CSMD1: variants seen among roughly 807,000 people sequenced by gnomAD.
The protein encoded by CSMD1 is CUB and Sushi multiple domains 1.
Under a neutral mutation model 417.5 loss-of-function variants are expected in CSMD1, and 213 were observed. The observed-to-expected ratio is 0.51, with a 90% confidence interval of 0.46 to 0.57. The LOEUF (loss-of-function observed/expected upper bound fraction) is 0.57. CSMD1 is among the 20% of genes least tolerant of loss of function. CSMD1 has a pLI of 0.00. For synonymous variants in CSMD1, 2,862 were observed against 1,736.8 expected (o/e 1.65, Z -16.11); for missense variants, 6,923 against 4,529.7 (o/e 1.53, Z -15.17).
At chr8:3,704,893 G>C (rs1289014718) in intron 7 of CSMD1, 4 of 152,236 alleles carry the variant, frequency 2.6e-5, no homozygotes, top group Non-Finnish European at 1.5e-5. Context: ...ATAATGAACA[G>C]GACTTTGGGT....
At chr8:4,582,010 T>C (rs370449223) in intron 2 of CSMD1, among the ~76,000 whole-genome samples, 1 of 151,898 alleles carries the variant, frequency 6.6e-6, no homozygotes, top group African/African-American at 2.4e-5. Flanking sequence ...TAGCCTACGA[T>C]GATGAAATGA....
chr8:3,682,280 G>C (rs182224293), intron 7 of CSMD1, among the ~76,000 whole-genome samples: 18 of 152,178 alleles, frequency 1.2e-4, no homozygotes, highest in African/African-American at 4.3e-4. Flanking sequence ...TAAAATTTTT[G>C]CAATCTACTC....
chr8:3,322,174 AATATATTCAATACATTTC>A (rs1806194662), intron 23 of CSMD1, among the ~76,000 whole-genome samples: 1 of 152,240 alleles, frequency 6.6e-6, no homozygotes, highest in African/African-American at 2.4e-5. Context: ...TGAACTGACA[AATATATTCAATACATTTC>A]ATGGCCAGGA....
intron 5 of CSMD1, among the ~76,000 whole-genome samples, chr8:3,994,389 C>A (rs1815037171): frequency 7.1e-6 from 1 of 140,400 alleles, no homozygotes. Flanking sequence ...AATCAATTTT[C>A]TTTCTTCTTG....
intron 3 of CSMD1, among the ~76,000 whole-genome samples, chr8:4,260,762 G>C (rs1399917560): frequency 6.6e-6 from 1 of 152,094 alleles, no homozygotes; most frequent in Admixed American, 6.5e-5. Flanking sequence ...TTTAGGCTAA[G>C]TTATATAGGA....
intron 3 of CSMD1, among the ~76,000 whole-genome samples, chr8:4,391,790 GGCT>G (rs1374945969): frequency 6.6e-6 from 1 of 152,040 alleles, no homozygotes. Flanking sequence ...GAGTTTGAGC[GGCT>G]GCTAAGCTCA....
chr8:4,877,984 C>A lies in CSMD1; in HGVS notation c.85+116348G>T, dbSNP rs186320397. Among the ~76,000 whole-genome samples, 70 of 152,052 alleles carry A rather than the reference C, an allele frequency of 4.6e-4. 2 individuals carry two copies. The highest frequency in any genetic ancestry group is 8.8e-5 in the Non-Finnish European group (6 of 68,026). On this transcript the variant is annotated intron_variant, in intron 1 of 69. Transcript: ENST00000635120. ...ATCCAAACACATATGTATGTGCACA[C>A]CCATGACCCTGTTCAGAAATAGGAC...
intron 40 of CSMD1, among the ~76,000 whole-genome samples, chr8:3,144,615 G>A (rs931952902): frequency 2.6e-4 from 39 of 152,078 alleles, no homozygotes; most frequent in East Asian, 7.7e-4. Context: ...ATATAATCAA[G>A]GTGGAGCAAC....
chr8:3,310,232 C>A (rs1805218473), intron 23 of CSMD1, among the ~76,000 whole-genome samples: 1 of 151,994 alleles, frequency 6.6e-6, no homozygotes, highest in Non-Finnish European at 1.5e-5. Context: ...CATTCAATAT[C>A]ATGTATGACA....
rs201051140 is a variant in CSMD1 at position 3,464,552 on chromosome 8, TTCTA to T, written c.1561+4156_1561+4159del. Among the ~76,000 whole-genome samples the T allele has an allele frequency of 9.1e-3, 1,367 of 150,626 alleles. 24 individuals carry two copies. Among genetic ancestry groups the T allele is most frequent in the African/African-American group, 0.031 (1,295 of 41,262 alleles). On this transcript the variant is annotated intron_variant, in intron 12 of 69. Transcript: ENST00000635120. ...TTCTGAGATTTACTATTTATATGGA[TTCTA>T]TCTATTATAAATATGATTTATAAAT...
intron 2 of CSMD1, among the ~76,000 whole-genome samples, chr8:4,480,061 G>C (rs767112849): frequency 2.6e-5 from 4 of 151,902 alleles, no homozygotes; most frequent in Non-Finnish European, 4.4e-5. Flanking sequence ...GTGGTCGTGA[G>C]TTCTGTTAGA....
intron 1 of CSMD1, among the ~76,000 whole-genome samples, chr8:4,731,205 G>A (rs1054796481): frequency 6.6e-6 from 1 of 152,152 alleles, no homozygotes; most frequent in African/African-American, 2.4e-5. Context: ...CTGTTTGGAA[G>A]CGAGAATCAG....
At chr8:4,254,981 C>T (rs1018938287) in intron 3 of CSMD1, among the ~76,000 whole-genome samples, 3 of 152,190 alleles carry the variant, frequency 2.0e-5, no homozygotes, top group Non-Finnish European at 4.4e-5. Flanking sequence ...TTTAACAGAG[C>T]ACTAAATCCA....
intron 3 of CSMD1, among the ~76,000 whole-genome samples, chr8:4,374,260 A>AT (rs906475114): frequency 1.3e-4 from 19 of 151,956 alleles, no homozygotes; most frequent in East Asian, 3.9e-4. Flanking sequence ...GTGTGAGTTA[A>AT]TTTTTTTTAA....
intron 3 of CSMD1, among the ~76,000 whole-genome samples, chr8:4,259,373 G>T (rs1263112299): frequency 6.6e-6 from 1 of 152,118 alleles, no homozygotes; most frequent in African/African-American, 2.4e-5. Flanking sequence ...TCTCAAGAAA[G>T]GAGAGGACAG....
chr8:3,017,700 G>A (rs972321865), intron 52 of CSMD1, among the ~76,000 whole-genome samples: 1 of 149,772 alleles, frequency 6.7e-6, no homozygotes, highest in African/African-American at 2.5e-5. Flanking sequence ...AGAAGAACAG[G>A]TTTTGCTATT....
At chr8:3,721,630 T>G (rs1802180607) in intron 6 of CSMD1, among the ~76,000 whole-genome samples, 2 of 152,226 alleles carry the variant, frequency 1.3e-5, no homozygotes. Context: ...TATTCTTATT[T>G]TGCAAATACC....
rs534207250 is a variant in CSMD1, at chr8:3,703,002, T to C, written c.1009+5412A>G. 1.3e-3 allele frequency among the ~76,000 whole-genome samples: 198 copies of C among 152,292 alleles called. 3 individuals carry two copies. The highest frequency in any genetic ancestry group is 4.6e-3 in the African/African-American group (190 of 41,546). On this transcript the variant is annotated intron_variant, in intron 7 of 69. Transcript: ENST00000635120. ...GGAGACATAATATTGCCCATTTACA[T>C]TGCACTTTTTCCAAGAATAAAATAA... is the stretch of plus-strand genomic sequence containing the variant.
chr8:4,733,919 G>C (rs1810058786), intron 1 of CSMD1, among the ~76,000 whole-genome samples: 1 of 152,124 alleles, frequency 6.6e-6, no homozygotes, highest in African/African-American at 2.4e-5. Flanking sequence ...AACAGACAAG[G>C]ATAGCATTTA....
Sources: allele counts gnomAD v4.1 joint callset (sites outside exome capture counted in the v4.1 genomes callset), GRCh38; gene constraint gnomAD v4.1.1; transcripts MANE v1.5; gene names NCBI Gene and HGNC (gene_info 2026-07-23, HGNC 2026-07-21).